The following LYPD6 variants were observed in gnomAD, a reference collection of about 807,000 sequenced individuals.
The protein encoded by LYPD6 is ly6/PLAUR domain-containing protein 6.
Under a neutral mutation model 22.7 loss-of-function variants are expected in LYPD6, and 15 were observed. The ratio of observed to expected loss-of-function variants is 0.66; its 90% CI spans 0.44 to 1.02. The LOEUF is 1.02. Ranked by LOEUF, LYPD6 falls within the 50% of genes least tolerant of loss-of-function variation. The pLI is 0.00. For missense variants in LYPD6, 189 were observed against 208.4 expected (o/e 0.91, Z 0.57); for synonymous variants, 72 against 77.5 (o/e 0.93, Z 0.37).
chr2:149,470,062 A>G (rs1440890270), intron 4 of LYPD6, among the ~76,000 whole-genome samples: 3 of 152,166 alleles, frequency 2.0e-5, no homozygotes, highest in Non-Finnish European at 4.4e-5. Flanking sequence ...GCTGGTCTGT[A>G]CTTTGTGTAG....
chr2:149,457,542 C>T (rs1196644), intron 3 of LYPD6, among the ~76,000 whole-genome samples: 89,742 of 151,954 alleles, frequency 0.59, 28,044 homozygotes, highest in East Asian at 0.85. Flanking sequence ...CTTCCCTGCC[C>T]GAAGTATATT....
At chr2:149,469,650 C>G (rs951235251) in intron 4 of LYPD6, among the ~76,000 whole-genome samples, 1 of 152,164 alleles carries the variant, frequency 6.6e-6, no homozygotes, top group African/African-American at 2.4e-5. Flanking sequence ...CTATTCTGCT[C>G]CTGGTTCAAA....
intron 1 of LYPD6, among the ~76,000 whole-genome samples, chr2:149,342,548 A>G (rs953526322): frequency 9.9e-5 from 15 of 152,264 alleles, no homozygotes; most frequent in African/African-American, 3.6e-4. Flanking sequence ...CAAATTTACT[A>G]TGTATAAAGA....
At chr2:149,466,907 A>AT (rs1681213248) in intron 3 of LYPD6, among the ~76,000 whole-genome samples, 1 of 107,304 alleles carries the variant, frequency 9.3e-6, no homozygotes, top group Non-Finnish European at 1.8e-5. Flanking sequence ...GAACATTTGA[A>AT]GTTGGGGTGG....
intron 3 of LYPD6, among the ~76,000 whole-genome samples, chr2:149,458,289 C>T (rs576452308): frequency 2.6e-4 from 40 of 152,258 alleles, no homozygotes; most frequent in African/African-American, 9.1e-4. Flanking sequence ...TAGACTTTCA[C>T]CTCCACCAGC....
chr2:149,413,510 A>G (rs1036827879), intron 1 of LYPD6, among the ~76,000 whole-genome samples: 1 of 152,150 alleles, frequency 6.6e-6, no homozygotes, highest in African/African-American at 2.4e-5. Flanking sequence ...TTAGTTGTTC[A>G]TCTCCCACTT....
At chr2:149,399,275 A>T (rs910944162) in intron 1 of LYPD6, among the ~76,000 whole-genome samples, 1 of 152,210 alleles carries the variant, frequency 6.6e-6, no homozygotes, top group African/African-American at 2.4e-5. Context: ...AGAAATCAAA[A>T]ATATTTTCAT....
chr2:149,483,507 C>T, the LYPD6 span, among the ~76,000 whole-genome samples: 2 of 152,156 alleles, frequency 1.3e-5, no homozygotes. Flanking sequence ...TTCTGACTCA[C>T]TGGTCAAGAA....
At chr2:149,479,460 G>T in the LYPD6 span, among the ~76,000 whole-genome samples, 1 of 152,188 alleles carries the variant, frequency 6.6e-6, no homozygotes, top group East Asian at 1.9e-4. Flanking sequence ...TCATTTGTAG[G>T]ACTTCTCAAA....
At chr2:149,385,068 C>T (rs1011301073) in intron 1 of LYPD6, among the ~76,000 whole-genome samples, 1 of 152,130 alleles carries the variant, frequency 6.6e-6, no homozygotes, top group Non-Finnish European at 1.5e-5. Flanking sequence ...TCTCTACCTT[C>T]AGTAGCTTCG....
At chr2:149,482,139 TA>T in the LYPD6 span, among the ~76,000 whole-genome samples, 24 of 152,184 alleles carry the variant, frequency 1.6e-4, no homozygotes, top group East Asian at 5.8e-4. Flanking sequence ...CTACTTACTT[TA>T]AAAAAAATTC....
At chr2:149,384,257 T>C (rs573415418) in intron 1 of LYPD6, among the ~76,000 whole-genome samples, 68 of 152,242 alleles carry the variant, frequency 4.5e-4, no homozygotes, top group Non-Finnish European at 4.1e-4. Context: ...TTCAGTCGTA[T>C]GCATTGAGGC....
intron 3 of LYPD6, 93 bp downstream of exon 3, chr2:149,449,240 G>C: frequency 1.4e-6 from 1 of 729,006 alleles, no homozygotes; most frequent in Non-Finnish European, 2.3e-6. Context: ...AGGCATGCTT[G>C]CAATCTCAGC....
intron 1 of LYPD6, among the ~76,000 whole-genome samples, chr2:149,350,266 T>C (rs1681335261): frequency 6.6e-6 from 1 of 152,264 alleles, no homozygotes; most frequent in South Asian, 2.1e-4. Flanking sequence ...GTCAAAGGTT[T>C]TCATGGAGTT....
At chr2:149,331,451 C>T (rs1256361914) in intron 1 of LYPD6, among the ~76,000 whole-genome samples, 1 of 152,218 alleles carries the variant, frequency 6.6e-6, no homozygotes, top group Non-Finnish European at 1.5e-5. Flanking sequence ...TCCTCACTAT[C>T]TCTACCGCTG....
At chr2:149,438,181 T>C (rs1032045776) in intron 2 of LYPD6, among the ~76,000 whole-genome samples, 1 of 152,216 alleles carries the variant, frequency 6.6e-6, no homozygotes, top group African/African-American at 2.4e-5. Flanking sequence ...ATACGTAAGA[T>C]AATAGCTGGT....
intron 1 of LYPD6, among the ~76,000 whole-genome samples, chr2:149,363,191 T>C (rs1341867987): frequency 6.6e-6 from 1 of 152,178 alleles, no homozygotes; most frequent in Admixed American, 6.5e-5. Flanking sequence ...GCAGTTGGGC[T>C]TAGTGTATTT....
At chr2:149,395,260 C>T in intron 1 of LYPD6, among the ~76,000 whole-genome samples, 1 of 152,112 alleles carries the variant, frequency 6.6e-6, no homozygotes, top group East Asian at 1.9e-4. Flanking sequence ...GTTGTTTGTT[C>T]CTATGCCATG....
chr2:149,368,945 G>A (rs887547444), intron 1 of LYPD6, among the ~76,000 whole-genome samples: 5 of 152,100 alleles, frequency 3.3e-5, no homozygotes, highest in Non-Finnish European at 2.9e-5. Context: ...AAAGTGATAC[G>A]TTTGAGTTTA....
Sources: allele counts gnomAD v4.1 joint callset (sites outside exome capture counted in the v4.1 genomes callset), GRCh38; gene constraint gnomAD v4.1.1; transcripts MANE v1.5; gene names NCBI Gene and HGNC (gene_info 2026-07-23, HGNC 2026-07-21).